HIP1R: variants seen among roughly 807,000 people sequenced by gnomAD.
The protein encoded by HIP1R is huntingtin interacting protein 1 related.
In HIP1R, 135 loss-of-function variants were observed where a neutral mutation model predicts 144.2. The ratio of observed to expected loss-of-function variants is 0.94; its 90% CI spans 0.81 to 1.08. HIP1R has a LOEUF of 1.08. HIP1R is among the 50% of genes least tolerant of loss of function. HIP1R has a pLI of 0.00. For synonymous variants in HIP1R, 698 were observed against 612.8 expected (o/e 1.14, Z -2.05); for missense variants, 1,462 against 1,432.8 (o/e 1.02, Z -0.33).
In HIP1R at chr12:122,860,071, G is replaced by C. The variant is rs1478756024; in HGVS notation, c.2490G>C (p.Leu830=). The C allele has an allele frequency of 6.3e-7, 1 of 1,574,812 alleles. No homozygotes were observed. The highest frequency in any genetic ancestry group is 1.3e-5 in the African/African-American group (1 of 74,144). The part of the protein sequence containing the change: ...NERILNSCTD[L]MKAIRLLVTT... ...GGATCCTCAACTCCTGCACAGACCT[G>C]ATGAAGGTGAGGGGCTGTGACCCGG... Residue 830 remains leucine, a synonymous_variant, in exon 25 of 32, where the codon CTG becomes CTC. Coordinates refer to ENST00000253083, the MANE Select transcript of HIP1R (RefSeq NM_003959.3).
chr12:122,861,323 C>T lies in HIP1R; in HGVS notation c.2968C>T (p.Leu990=). The T allele has an allele frequency of 4.3e-6, 7 of 1,613,688 alleles. No homozygotes were observed. In the Middle Eastern group the frequency reaches 1.2e-3, roughly 266 times the overall value. ...GTGGCTACAGGTGCGTGTCCTGGAG[C>T]TGGAGAAGACGCTGGAGGCTGAACG... ...EMETQVRVLE[L]EKTLEAERMR... is the part of the protein sequence containing the mutation. The change falls in exon 31 of 32, where the codon CTG becomes TTG. Residue 990 remains leucine (L), a synonymous_variant. Coordinates refer to ENST00000253083, the MANE Select transcript of HIP1R (RefSeq NM_003959.3).
Position 122,860,186 on chromosome 12 carries a change from GA to G in HIP1R, c.2537del (p.Lys846ArgfsTer78), listed in dbSNP as rs2033726065. The stretch of plus-strand genomic sequence containing the variant: ...TGGTGACGACATCCACTAGCCTGCA[GA>G]AGGAGATCGTGGAGAGCGGCAGGGT... ...LLVTTSTSLQKEIVESGRGAA... is the reference protein window; with the variant it reads ...LLVTTSTSLQXEIVESGRGAA... On this transcript the variant is annotated frameshift_variant, in exon 26 of 32. Coordinates refer to ENST00000253083, the MANE Select transcript of HIP1R (RefSeq NM_003959.3). LOFTEE classifies it high-confidence loss of function. 6.4e-7 allele frequency: 1 copy of G among 1,568,518 alleles called. No individual in the cohort carries two copies. The highest frequency in any genetic ancestry group is 1.4e-5 in the African/African-American group (1 of 74,036).
rs1288418540 is a variant in HIP1R, at chr12:122,859,207, A to G, written c.2295+10A>G. On this transcript the variant is annotated intron_variant, in intron 22 of 31. Coordinates refer to ENST00000253083, the MANE Select transcript of HIP1R (RefSeq NM_003959.3). The stretch of plus-strand genomic sequence containing the variant: ...CCTTCAGCTGGGCCAGGTGAGGCAC[A>G]GCTGAGTGTGGGTTTGGGAGGCTTG... 6.4e-7 allele frequency: 1 copy of G among 1,567,736 alleles called. No individual in the cohort carries two copies. The highest frequency in any genetic ancestry group is 1.7e-4 in the Middle Eastern group (1 of 5,776).
chr12:122,843,052 GTTAAC>G (rs1176852994), intron 1 of HIP1R, among the ~76,000 whole-genome samples: 2 of 152,232 alleles, frequency 1.3e-5, no homozygotes, highest in Non-Finnish European at 2.9e-5. Context: ...CAAGGCCTTC[GTTAAC>G]TTGAGATTTG....
chr12:122,858,977 C>T (rs745524312), intron 21 of HIP1R, 32 bp downstream of exon 21: 4 of 1,611,246 alleles, frequency 2.5e-6, no homozygotes, highest in Admixed American at 1.7e-5. Context: ...AGGTTCTGTC[C>T]ACCTCACTGG....
At chr12:122,848,348 G>A (rs2033270305) in intron 2 of HIP1R, 118 bp from the exon 3 acceptor site, 1 of 1,297,868 alleles carries the variant, frequency 7.7e-7, no homozygotes. Flanking sequence ...GTGACCCGGG[G>A]TTGATGGGCA....
rs748817714 is a variant in HIP1R at position 122,855,053 on chromosome 12, C to T, written c.777C>T (p.Ser259=). ...HRDRFHEQFH[S]LRNFFRRASD... ...CCCGAACTTCCCACCATCTCTGCAGCCTCAGGAACTTCTTCCGCAGAGCCT... is the reference window on the plus strand; with the variant it reads ...CCCGAACTTCCCACCATCTCTGCAGTCTCAGGAACTTCTTCCGCAGAGCCT... The change falls in exon 10 of 32, where the codon AGC becomes AGT. Residue 259 remains serine (S), a splice_region_variant and synonymous_variant. Transcript: ENST00000253083. The T allele has an allele frequency of 1.9e-6, 3 of 1,613,926 alleles. No individual in the cohort carries two copies. Among genetic ancestry groups the T allele is most frequent in the African/African-American group, 1.3e-5 (1 of 75,054 alleles).
At chr12:122,839,634 G>A (rs1485328421) in intron 1 of HIP1R, among the ~76,000 whole-genome samples, 1 of 152,158 alleles carries the variant, frequency 6.6e-6, no homozygotes, top group Non-Finnish European at 1.5e-5. Flanking sequence ...GGAACCAGAG[G>A]CAAGCCACGT....
At chr12:122,857,475 A>G (rs2033624140) in intron 18 of HIP1R, 5 of 571,878 alleles carry the variant, frequency 8.7e-6, no homozygotes, top group Non-Finnish European at 1.3e-5. Context: ...TCTGTTCATC[A>G]CTTGGTGGAC....
rs1354966351 is a variant in HIP1R at position 122,855,842 on chromosome 12, T to A, written c.1067T>A (p.Ile356Asn). ...ACCTCTGTCCCCAGGGACCTCCAGA[T>A]TGAGAGCTTGAAGAGAGAGGTGGAA... is the stretch of plus-strand genomic sequence containing the variant. ...GSVKDDRDLQ[I>N]ESLKREVEML... Residue 356 changes from isoleucine (I) to asparagine (N), a missense_variant, in exon 13 of 32, where the codon ATT becomes AAT. Ile to Asn is a moderately radical substitution (Grantham distance 149). This residue lies in a region of HIP1R where 1,112 missense variants were observed against 1,011.7 expected (regional missense o/e 1.10). Coordinates refer to ENST00000253083, the MANE Select transcript of HIP1R (RefSeq NM_003959.3). The A allele has an allele frequency of 5.8e-6, 9 of 1,564,722 alleles. No individual in the cohort carries two copies. The highest frequency in any genetic ancestry group is 1.4e-5 in the African/African-American group (1 of 73,748).
chr12:122,848,332 G>C, intron 2 of HIP1R, 134 bp from the exon 3 acceptor site: 1 of 1,162,208 alleles, frequency 8.6e-7, no homozygotes, highest in Non-Finnish European at 1.2e-6. Flanking sequence ...GGACACTGGA[G>C]CTCTGGTGAC....
intron 4 of HIP1R, among the ~76,000 whole-genome samples, chr12:122,849,263 A>G (rs547626153): frequency 6.6e-5 from 10 of 152,376 alleles, no homozygotes; most frequent in African/African-American, 2.4e-4. Flanking sequence ...GGGGCCTGCA[A>G]TCTGGATGCA....
At chr12:122,854,322 A>G (rs2033493195) in intron 8 of HIP1R, 139 bp downstream of exon 8, 2 of 498,152 alleles carry the variant, frequency 4.0e-6, no homozygotes, top group Non-Finnish European at 6.4e-6. Flanking sequence ...CCATTAATAG[A>G]AATAACATAT....
Position 122,851,271 on chromosome 12 carries a change from A to T in HIP1R, c.551A>T (p.Asp184Val). Reference sequence around the variant, plus strand: ...ACTGTGGAGATGTTTGATTACATGGATTGTGAGCTGAAGCTTTCTGAATCA... The same window carrying T: ...ACTGTGGAGATGTTTGATTACATGGTTTGTGAGCTGAAGCTTTCTGAATCA... ...QLTVEMFDYM[D>V]CELKLSESVF... The change falls in exon 7 of 32, where the codon GAT becomes GTT. Residue 184 changes from aspartate (D) to valine (V), a missense_variant. Transcript: ENST00000253083. 2 of 1,554,694 alleles carry T rather than the reference A, an allele frequency of 1.3e-6. No homozygotes were observed. The highest frequency in any genetic ancestry group is 1.7e-6 in the Non-Finnish European group (2 of 1,158,024).
chr12:122,852,814 C>T (rs1310763616), intron 7 of HIP1R, among the ~76,000 whole-genome samples: 1 of 152,112 alleles, frequency 6.6e-6, no homozygotes, highest in Admixed American at 6.5e-5. Context: ...AAGCAGATTG[C>T]CGAACAGCAT....
chr12:122,835,327 G>A (rs1281005879), upstream of HIP1R: 7 of 870,426 alleles, frequency 8.0e-6, no homozygotes, highest in Non-Finnish European at 9.8e-6. Context: ...GGCGCGCCCT[G>A]GAGTTGGGGG....
At position 122,857,249 on chromosome 12, in the gene HIP1R, G is replaced by T. The variant is rs1483801423; in HGVS notation, c.1815+34G>T. On this transcript the variant is annotated intron_variant, in intron 18 of 31. Transcript: ENST00000253083. ...TCCCCAGATGCAGCAGCACCACTGA[G>T]TTCACTGCCGTCTGGCAACCATCGA... The T allele has an allele frequency of 7.8e-6, 12 of 1,530,422 alleles. No individual in the cohort carries two copies. In the African/African-American group the frequency reaches 1.7e-4, roughly 21 times the overall value. The allele number at this position is 1,530,422 out of a possible 1,614,324, so 94.8% of individuals were successfully genotyped here.
intron 1 of HIP1R, among the ~76,000 whole-genome samples, chr12:122,844,310 A>G (rs1566102454): frequency 6.6e-6 from 1 of 151,756 alleles, no homozygotes; most frequent in Non-Finnish European, 1.5e-5. Flanking sequence ...GTTTTAAATT[A>G]TTTTTGGTAG....
In HIP1R at chr12:122,835,646, GAGCGGGC is replaced by G. The variant is rs1566098212; in HGVS notation, c.93+4_93+10del. The G allele has an allele frequency of 1.7e-6, 2 of 1,187,674 alleles. No individual in the cohort carries two copies. The highest frequency in any genetic ancestry group is 2.1e-6 in the Non-Finnish European group (2 of 960,534). The allele number at this position is 1,187,674 out of a possible 1,614,324, so 73.6% of individuals were successfully genotyped here. A position where few individuals can be genotyped will look rare whatever the true frequency, so the allele number is the denominator to read the frequency against. ...GCGAGCAGTTCGACAAGACCCAGGC[GAGCGGGC>G]GGCGGGCGGCGGGCGGCGGGCGGCG... On this transcript the variant is annotated splice_donor_5th_base_variant and intron_variant, in intron 1 of 31. Coordinates refer to ENST00000253083, the MANE Select transcript of HIP1R (RefSeq NM_003959.3).
Sources: allele counts gnomAD v4.1 joint callset (sites outside exome capture counted in the v4.1 genomes callset), GRCh38; gene constraint gnomAD v4.1.1; regional missense constraint gnomAD v4.1.1; transcripts MANE v1.5; gene names NCBI Gene and HGNC (gene_info 2026-07-23, HGNC 2026-07-21).